The following TIMP2 variants were observed in gnomAD, a reference collection of about 807,000 sequenced individuals.
TIMP2 encodes TIMP metallopeptidase inhibitor 2, also known as metalloproteinase inhibitor 2.
In TIMP2, 5 loss-of-function variants were observed where a neutral mutation model predicts 24.3. The observed-to-expected ratio is 0.21, with a 90% CI of 0.11 to 0.43. TIMP2 has a LOEUF of 0.43. TIMP2 is among the 20% of genes least tolerant of loss of function. The pLI, the probability that TIMP2 is intolerant of heterozygous loss-of-function variation, is 1.00. For missense variants in TIMP2, 221 were observed against 297.5 expected, an observed-to-expected ratio of 0.74 and a Z score of 1.89; for synonymous variants, 130 against 123.2, an observed-to-expected ratio of 1.06 and a Z score of -0.37.
intron 1 of TIMP2, among the ~76,000 whole-genome samples, chr17:78,923,520 A>G (rs988890808): frequency 3.9e-5 from 6 of 152,038 alleles, no homozygotes; most frequent in African/African-American, 1.4e-4. Flanking sequence ...CGTGCTGGTG[A>G]GCCAAGGAGC....
chr17:78,872,135 C>CA (rs1166057279), intron 2 of TIMP2, among the ~76,000 whole-genome samples: 3 of 150,932 alleles, frequency 2.0e-5, no homozygotes, highest in Admixed American at 2.0e-4. Flanking sequence ...ACTATAGGCG[C>CA]ATGCCACCAT....
chr17:78,902,227 C>T (rs1469371417), intron 1 of TIMP2, among the ~76,000 whole-genome samples: 1 of 152,224 alleles, frequency 6.6e-6, no homozygotes, highest in Non-Finnish European at 1.5e-5. Context: ...CTGTCTCAGC[C>T]TTCCCAAGTA....
intron 3 of TIMP2, among the ~76,000 whole-genome samples, chr17:78,858,300 A>G (rs1424062476): frequency 6.6e-6 from 1 of 151,318 alleles, no homozygotes; most frequent in Admixed American, 6.6e-5. Flanking sequence ...AAAATTAGCC[A>G]GGCGTGCTGG....
chr17:78,881,307 C>T (rs1048709861), intron 1 of TIMP2, among the ~76,000 whole-genome samples: 2 of 152,242 alleles, frequency 1.3e-5, no homozygotes, highest in Non-Finnish European at 2.9e-5. Flanking sequence ...CTGCTTATGG[C>T]CCAGCGGAGA....
chr17:78,874,860 CT>C (rs775025172), intron 1 of TIMP2, among the ~76,000 whole-genome samples: 2 of 152,088 alleles, frequency 1.3e-5, no homozygotes, highest in Non-Finnish European at 2.9e-5. Context: ...CCTGCCTCAG[CT>C]TCTCAAGTAG....
At chr17:78,921,469 C>T (rs1236391135) in intron 1 of TIMP2, among the ~76,000 whole-genome samples, 4 of 152,200 alleles carry the variant, frequency 2.6e-5, no homozygotes, top group African/African-American at 9.7e-5. Context: ...TGGCTTTACC[C>T]TTGAGTCCAG....
In TIMP2 at chr17:78,925,111, G is replaced by A. The variant is rs1321561397; in HGVS notation, c.-23C>T. On this transcript the variant is annotated 5_prime_UTR_variant, in exon 1 of 5. Transcript: ENST00000262768. ...CATGGCGGGCCGGGGGGCTGGGCGG[G>A]CGGGGGCCGCCGCTGGGGGGTCCGG... 5 of 886,350 alleles carry A rather than the reference G, an allele frequency of 5.6e-6. 1 individual carries two copies. Among genetic ancestry groups the A allele is most frequent in the Middle Eastern group, 5.6e-4 (1 of 1,774 alleles). 54.9% of individuals were successfully genotyped at this position (886,350 alleles called of 1,614,324 possible).
At chr17:78,911,691 A>G (rs1042178840) in intron 1 of TIMP2, among the ~76,000 whole-genome samples, 2 of 151,926 alleles carry the variant, frequency 1.3e-5, no homozygotes, top group Non-Finnish European at 1.5e-5. Context: ...TTGGCCTCCA[A>G]AAGTGCTGAG....
At chr17:78,870,338 C>A (rs372857109) in intron 3 of TIMP2, among the ~76,000 whole-genome samples, 3 of 151,516 alleles carry the variant, frequency 2.0e-5, no homozygotes, top group Non-Finnish European at 4.4e-5. Context: ...ATCGCTTGAA[C>A]CCAGGAGGTG....
In TIMP2 at chr17:78,855,932, G is replaced by A. The variant is rs554596233; in HGVS notation, c.466-68C>T. On this transcript the variant is annotated intron_variant, in intron 4 of 4. Transcript: ENST00000262768. This position sits in a 1 kb window ranked among gnomAD's most constrained non-coding sequence, Gnocchi z 6.0. Reference sequence around the variant, plus strand: ...GAAGGGGTGGGCAGAGGCTGCTCTGGGGGCATGTCCAGAACCCGGCAATGT... The same window carrying A: ...GAAGGGGTGGGCAGAGGCTGCTCTGAGGGCATGTCCAGAACCCGGCAATGT... 6.5e-7 allele frequency: 1 copy of A among 1,530,426 alleles called. No individual in the cohort carries two copies. Among genetic ancestry groups the A allele is most frequent in the East Asian group, 2.3e-5 (1 of 44,412 alleles). The allele number at this position is 1,530,426 out of a possible 1,614,324, so 94.8% of individuals were successfully genotyped here. A position where few individuals can be genotyped will look rare whatever the true frequency, so the allele number is the denominator to read the frequency against.
chr17:78,866,629 T>C (rs921479487), intron 3 of TIMP2, among the ~76,000 whole-genome samples: 1 of 151,516 alleles, frequency 6.6e-6, no homozygotes, highest in South Asian at 2.1e-4. Flanking sequence ...GGCCAAACGG[T>C]GGCAACAACC....
rs2070299394 is a variant in TIMP2 at position 78,920,280 on chromosome 17, G to T, written c.130+4679C>A. On this transcript the variant is annotated intron_variant, in intron 1 of 4. Coordinates refer to ENST00000262768, the MANE Select transcript of TIMP2 (RefSeq NM_003255.5). This position sits in a 1 kb window ranked among gnomAD's most constrained non-coding sequence, Gnocchi z 4.5. ...CTAGCAACCTGGCTGCGACAGCAGG[G>T]AGGAGGGAGGCAGTACCCAAGCCCA... Among the ~76,000 whole-genome samples the T allele has an allele frequency of 6.6e-6, 1 of 152,220 alleles. No individual in the cohort carries two copies. Among genetic ancestry groups the T allele is most frequent in the Non-Finnish European group, 1.5e-5 (1 of 68,036 alleles).
In TIMP2 at chr17:78,855,896, C is replaced by T. The variant is rs1248938339; in HGVS notation, c.466-32G>A. On this transcript the variant is annotated intron_variant, in intron 4 of 4. Transcript: ENST00000262768. The surrounding 1 kb of genome is among the most constrained non-coding windows in gnomAD (Gnocchi z 6.0). ...AGGGGCACACGGAGGGGGACGGAGT[C>T]AGGGACCCAGGAAGGGGTGGGCAGA... 1.9e-6 allele frequency: 3 copies of T among 1,611,258 alleles called. No individual in the cohort carries two copies. The highest frequency in any genetic ancestry group is 4.5e-5 in the East Asian group (2 of 44,842).
chr17:78,919,662 G>A (rs1009533339), intron 1 of TIMP2, among the ~76,000 whole-genome samples: 37 of 152,218 alleles, frequency 2.4e-4, no homozygotes, highest in African/African-American at 8.2e-4. Context: ...GTGAAACCCC[G>A]TCTCTAATAA....
At chr17:78,884,199 C>G (rs756328943) in intron 1 of TIMP2, among the ~76,000 whole-genome samples, 1 of 152,186 alleles carries the variant, frequency 6.6e-6, no homozygotes, top group African/African-American at 2.4e-5. Flanking sequence ...AACCCGCCCC[C>G]CTACAACAGA....
chr17:78,899,517 G>C (rs1014174639), intron 1 of TIMP2: 2 of 152,248 alleles, frequency 1.3e-5, no homozygotes, highest in African/African-American at 4.8e-5. Context: ...CCTGCGGGAG[G>C]GGCCCAGGAA....
intron 1 of TIMP2, among the ~76,000 whole-genome samples, chr17:78,913,616 T>C (rs886483113): frequency 6.6e-6 from 1 of 151,682 alleles, no homozygotes; most frequent in Non-Finnish European, 1.5e-5. Context: ...GAAGCTGAGG[T>C]AGGAGGACTG....
intron 1 of TIMP2, chr17:78,892,288 T>A: frequency 6.4e-7 from 1 of 1,550,762 alleles, no homozygotes; most frequent in Non-Finnish European, 8.7e-7. Context: ...AAAGCAGGTC[T>A]TCGTTATCAG....
chr17:78,876,313 C>G (rs56176858), intron 1 of TIMP2, among the ~76,000 whole-genome samples: 2 of 152,036 alleles, frequency 1.3e-5, no homozygotes, highest in African/African-American at 4.8e-5. Flanking sequence ...GCCCTGAACA[C>G]GCCCAGGTGC....
Sources: gnomAD v4.1 joint callset for allele counts (sites outside exome capture counted in the v4.1 genomes callset) on GRCh38, gnomAD v4.1.1 for gene constraint, Gnocchi (gnomAD v3.1) non-coding constraint, MANE v1.5 for transcripts, NCBI Gene and HGNC (gene_info 2026-07-23, HGNC 2026-07-21) for gene names.